Variants in TASP1 observed in about 807,000 individuals in gnomAD.
The protein encoded by TASP1 is threonine aspartase 1.
Under a neutral mutation model 56.6 loss-of-function variants are expected in TASP1, and 16 were observed. The observed-to-expected ratio is 0.28, with a 90% CI of 0.19 to 0.43. TASP1 has a LOEUF of 0.43. TASP1 is among the 20% of genes least tolerant of loss of function. TASP1 has a pLI of 1.00. For missense variants in TASP1, 393 were observed against 511.6 expected (o/e 0.77, Z 2.24); for synonymous variants, 179 against 184.2 (o/e 0.97, Z 0.23).
chr20:13,169,495 A>G, the TASP1 span, among the ~76,000 whole-genome samples: 1 of 152,190 alleles, frequency 6.6e-6, no homozygotes, highest in Non-Finnish European at 1.5e-5. Flanking sequence ...AGCCAATTCC[A>G]TGGAAACTGG....
At chr20:13,378,997 C>T in the TASP1 span, among the ~76,000 whole-genome samples, 4 of 152,192 alleles carry the variant, frequency 2.6e-5, no homozygotes, top group African/African-American at 7.2e-5. Context: ...CTCCTGAATA[C>T]AGCACACTGA....
chr20:13,543,339 C>T (rs902026664), intron 8 of TASP1, among the ~76,000 whole-genome samples: 2 of 152,194 alleles, frequency 1.3e-5, no homozygotes, highest in Admixed American at 6.5e-5. Flanking sequence ...TGGCTCACGC[C>T]TGTAATCCCT....
chr20:13,431,491 AC>A (rs1218936044), intron 12 of TASP1, among the ~76,000 whole-genome samples: 7 of 152,304 alleles, frequency 4.6e-5, no homozygotes, highest in African/African-American at 1.7e-4. Flanking sequence ...AATGCTGGTT[AC>A]TGACATTATT....
intron 4 of TASP1, among the ~76,000 whole-genome samples, chr20:13,609,046 G>C (rs546458539): frequency 1.3e-5 from 2 of 152,062 alleles, no homozygotes; most frequent in African/African-American, 4.8e-5. Flanking sequence ...AGAAAAGTAC[G>C]ATAGTCTAGT....
chr20:13,540,540 C>T (rs1022838522), intron 8 of TASP1, among the ~76,000 whole-genome samples: 1 of 152,132 alleles, frequency 6.6e-6, no homozygotes, highest in African/African-American at 2.4e-5. Context: ...ATTGTCAATA[C>T]TGGAAGATTG....
At chr20:13,582,959 C>A (rs2047177240) in intron 5 of TASP1, among the ~76,000 whole-genome samples, 3 of 152,206 alleles carry the variant, frequency 2.0e-5, no homozygotes, top group Admixed American at 2.0e-4. Flanking sequence ...GGCTTCACTT[C>A]TGACCAATGT....
At chr20:13,609,626 T>C (rs760441134) in intron 4 of TASP1, among the ~76,000 whole-genome samples, 71 of 146,068 alleles carry the variant, frequency 4.9e-4, no homozygotes, top group Non-Finnish European at 8.5e-4. Context: ...AGGCGGAGGT[T>C]GCAGTGAGCT....
At chr20:13,339,144 C>T in the TASP1 span, among the ~76,000 whole-genome samples, 1 of 152,140 alleles carries the variant, frequency 6.6e-6, no homozygotes, top group Non-Finnish European at 1.5e-5. Flanking sequence ...GGTCACATGG[C>T]CACAAATACA....
chr20:13,165,086 A>G, the TASP1 span: 6 of 489,406 alleles, frequency 1.2e-5, no homozygotes. Flanking sequence ...TCTTCCAAGT[A>G]TTCTACTAGA....
intron 10 of TASP1, among the ~76,000 whole-genome samples, chr20:13,492,807 C>A (rs1305114173): frequency 2.0e-5 from 3 of 152,020 alleles, no homozygotes; most frequent in East Asian, 3.9e-4. Flanking sequence ...AAAGAAAAAC[C>A]AATTTTATAA....
the TASP1 span, among the ~76,000 whole-genome samples, chr20:13,304,981 C>G: frequency 1.3e-5 from 2 of 152,140 alleles, no homozygotes; most frequent in Admixed American, 1.3e-4. Flanking sequence ...ACCAAGACAT[C>G]ACTTCACGCT....
the TASP1 span, chr20:13,279,801 T>TACCTCAGACGACAGC: frequency 6.2e-7 from 1 of 1,613,994 alleles, no homozygotes; most frequent in Non-Finnish European, 8.5e-7. Flanking sequence ...AGTACGACAG[T>TACCTCAGACGACAGC]ACCTCAGACG....
intron 7 of TASP1, among the ~76,000 whole-genome samples, chr20:13,561,116 T>C (rs2046330432): frequency 6.6e-6 from 1 of 152,150 alleles, no homozygotes; most frequent in Non-Finnish European, 1.5e-5. Context: ...CAAACGATCC[T>C]TCAAAAATGA....
chr20:13,557,777 G>A (rs1016463459), intron 8 of TASP1, among the ~76,000 whole-genome samples: 1 of 151,426 alleles, frequency 6.6e-6, no homozygotes, highest in Non-Finnish European at 1.5e-5. Flanking sequence ...TTTCCTTGTT[G>A]CCCATGATGG....
chr20:13,165,034 G>T, the TASP1 span: 1 of 563,646 alleles, frequency 1.8e-6, no homozygotes, highest in Non-Finnish European at 3.1e-6. Flanking sequence ...CTCCAGCTTG[G>T]ACTGCAGAGA....
At chr20:13,130,640 G>A in the TASP1 span, among the ~76,000 whole-genome samples, 1 of 152,232 alleles carries the variant, frequency 6.6e-6, no homozygotes, top group South Asian at 2.1e-4. Flanking sequence ...AGGCTGAGGG[G>A]CTGCAGGCCG....
At chr20:13,145,099 A>T in the TASP1 span, among the ~76,000 whole-genome samples, 1 of 152,108 alleles carries the variant, frequency 6.6e-6, no homozygotes, top group Non-Finnish European at 1.5e-5. Flanking sequence ...TTGAAAAAAA[A>T]ATTCTAGAAA....
the TASP1 span, among the ~76,000 whole-genome samples, chr20:13,271,266 G>T: frequency 6.7e-4 from 102 of 152,240 alleles, no homozygotes; most frequent in African/African-American, 2.1e-3. Context: ...TTACTCTAAA[G>T]TATACATGAC....
rs2047391554 is a variant in TASP1 at position 13,588,303 on chromosome 20, A to AAGGAAGGG, written c.283-934_283-933insCCCTTCCT. Among the ~76,000 whole-genome samples the AAGGAAGGG allele has an allele frequency of 2.7e-5, 3 of 112,502 alleles. No individual in the cohort carries two copies. The East Asian group carries it at 9.4e-4, about 35-fold the overall frequency. 73.8% of individuals were successfully genotyped at this position (112,502 alleles called of 152,430 possible). ...GAAGGAAGGAAGGAAGGAAGGAAGG[A>AAGGAAGGG]AGGAAGAGAAAGAAAAGGAAGGAAG... On this transcript the variant is annotated intron_variant, in intron 4 of 13. Transcript: ENST00000337743.
Sources: gnomAD v4.1 joint callset for allele counts (sites outside exome capture counted in the v4.1 genomes callset) on GRCh38, gnomAD v4.1.1 for gene constraint, MANE v1.5 for transcripts, NCBI Gene and HGNC (gene_info 2026-07-23, HGNC 2026-07-21) for gene names.